The following TENM2 variants were observed in gnomAD, a reference collection of about 807,000 sequenced individuals.
TENM2 encodes teneurin transmembrane protein 2.
TENM2 carries 52 observed loss-of-function variants against 245.2 expected under a neutral mutation model. That is an observed-to-expected ratio of 0.21 (90% CI 0.17 to 0.27). The LOEUF is 0.27. TENM2 is among the 10% of genes least tolerant of loss of function. The pLI is 1.00. For synonymous variants in TENM2, 1,363 were observed against 1,438.9 expected (o/e 0.95, Z 1.19); for missense variants, 3,046 against 3,666.8 (o/e 0.83, Z 4.37).
chr5:166,996,554 A>C, the TENM2 span, among the ~76,000 whole-genome samples: 3 of 152,122 alleles, frequency 2.0e-5, no homozygotes, highest in Non-Finnish European at 4.4e-5. Flanking sequence ...GGTGTCTACT[A>C]TTTGGCCCTT....
At chr5:166,980,284 G>A in the TENM2 span, among the ~76,000 whole-genome samples, 1 of 152,142 alleles carries the variant, frequency 6.6e-6, no homozygotes, top group Non-Finnish European at 1.5e-5. Context: ...ATTCAAAATT[G>A]TGAGACACGT....
At chr5:167,862,263 G>T (rs949184099) in intron 2 of TENM2, among the ~76,000 whole-genome samples, 3 of 152,086 alleles carry the variant, frequency 2.0e-5, no homozygotes, top group Non-Finnish European at 4.4e-5. Flanking sequence ...GTGTGTGTGT[G>T]TGTGTGCATA....
chr5:167,999,956 C>T (rs1191139212), intron 5 of TENM2, among the ~76,000 whole-genome samples: 1 of 152,236 alleles, frequency 6.6e-6, no homozygotes, highest in Non-Finnish European at 1.5e-5. Context: ...CGTGCCTCCA[C>T]AGAGTATACA....
At chr5:167,650,094 G>A (rs1024211920) in intron 2 of TENM2, among the ~76,000 whole-genome samples, 1 of 152,184 alleles carries the variant, frequency 6.6e-6, no homozygotes, top group Non-Finnish European at 1.5e-5. Context: ...AAGTAAAAAT[G>A]TCAGTTCCCA....
At chr5:168,016,112 G>A (rs1785629209) in intron 5 of TENM2, among the ~76,000 whole-genome samples, 1 of 152,160 alleles carries the variant, frequency 6.6e-6, no homozygotes, top group Admixed American at 6.5e-5. Context: ...CTCACTCTAT[G>A]CTGGTCACTA....
the TENM2 span, among the ~76,000 whole-genome samples, chr5:167,077,046 G>A: frequency 5.3e-5 from 8 of 152,090 alleles, no homozygotes; most frequent in Non-Finnish European, 8.8e-5. Flanking sequence ...GGCTGGTCTC[G>A]AACTCCTGAC....
chr5:167,499,874 G>T (rs1441847246), intron 2 of TENM2, among the ~76,000 whole-genome samples: 1 of 146,386 alleles, frequency 6.8e-6, no homozygotes, highest in Admixed American at 7.2e-5. Flanking sequence ...GTATGTGAGG[G>T]TATATGTGTG....
At chr5:167,944,401 AT>A (rs1351244577) in intron 3 of TENM2, among the ~76,000 whole-genome samples, 1 of 151,538 alleles carries the variant, frequency 6.6e-6, no homozygotes, top group Non-Finnish European at 1.5e-5. Flanking sequence ...AACAATCTCC[AT>A]CTGAAGAATA....
intron 2 of TENM2, among the ~76,000 whole-genome samples, chr5:167,668,544 A>G (rs1755721042): frequency 6.6e-6 from 1 of 152,198 alleles, no homozygotes; most frequent in East Asian, 1.9e-4. Flanking sequence ...TTCCCTGGCT[A>G]CTTAGGAATC....
At chr5:167,150,233 A>G in the TENM2 span, among the ~76,000 whole-genome samples, 1 of 152,194 alleles carries the variant, frequency 6.6e-6, no homozygotes, top group Non-Finnish European at 1.5e-5. Flanking sequence ...TCCTTTCAGC[A>G]ACCATCATCA....
At chr5:167,443,344 A>C (rs1764973249) in intron 2 of TENM2, among the ~76,000 whole-genome samples, 1 of 152,200 alleles carries the variant, frequency 6.6e-6, no homozygotes, top group Non-Finnish European at 1.5e-5. Flanking sequence ...AAGTTTTATT[A>C]GAACAAATTA....
chr5:167,136,034 A>G, the TENM2 span, among the ~76,000 whole-genome samples: 1 of 152,212 alleles, frequency 6.6e-6, no homozygotes, highest in Non-Finnish European at 1.5e-5. Context: ...ATATTACACA[A>G]ATATGTACAA....
At chr5:167,995,076 G>A (rs1386600831) in intron 5 of TENM2, among the ~76,000 whole-genome samples, 1 of 152,160 alleles carries the variant, frequency 6.6e-6, no homozygotes, top group East Asian at 1.9e-4. Context: ...GCACCACGGG[G>A]CCAGTGAGCA....
At chr5:167,578,397 G>A (rs1281042509) in intron 2 of TENM2, among the ~76,000 whole-genome samples, 1 of 152,302 alleles carries the variant, frequency 6.6e-6, no homozygotes, top group African/African-American at 2.4e-5. Flanking sequence ...GCTGGGGAAC[G>A]GAGACTGGCT....
intron 4 of TENM2, among the ~76,000 whole-genome samples, chr5:167,963,871 GAC>G (rs1368922691): frequency 6.6e-6 from 1 of 151,986 alleles, no homozygotes; most frequent in Non-Finnish European, 1.5e-5. Flanking sequence ...TTTAACAAAA[GAC>G]AAACAAGCAT....
intron 2 of TENM2, among the ~76,000 whole-genome samples, chr5:167,470,573 A>G (rs1365422687): frequency 2.0e-5 from 3 of 149,314 alleles, no homozygotes; most frequent in Non-Finnish European, 4.4e-5. Context: ...TTCTTTCTGA[A>G]CTGTAGGATT....
chr5:168,090,444 T>G, intron 7 of TENM2, 130 bp from the exon 10 acceptor site: 1 of 657,614 alleles, frequency 1.5e-6, no homozygotes, highest in Non-Finnish European at 2.5e-6. Flanking sequence ...TTTTCCTGGA[T>G]AAGTTCATAG....
the TENM2 span, among the ~76,000 whole-genome samples, chr5:167,084,733 A>C: frequency 6.6e-5 from 10 of 152,128 alleles, no homozygotes; most frequent in East Asian, 7.8e-4. Flanking sequence ...CATGATGTTT[A>C]TTATAAAGCA....
At chr5:168,175,746 A>G (rs1279346031) in intron 13 of TENM2, among the ~76,000 whole-genome samples, 1 of 152,146 alleles carries the variant, frequency 6.6e-6, no homozygotes, top group Non-Finnish European at 1.5e-5. Flanking sequence ...GGAAAAGAGG[A>G]ATCCATGGAG....
Sources: gnomAD v4.1 joint callset for allele counts (sites outside exome capture counted in the v4.1 genomes callset) on GRCh38, gnomAD v4.1.1 for gene constraint, MANE v1.5 for transcripts, NCBI Gene and HGNC (gene_info 2026-07-23, HGNC 2026-07-21) for gene names.